Variants in COL8A1 observed in about 807,000 individuals in gnomAD.
COL8A1 encodes collagen type VIII alpha 1 chain.
In COL8A1, 21 loss-of-function variants were observed where a neutral mutation model predicts 42.7. That is an observed-to-expected ratio of 0.49 (90% CI 0.35 to 0.71). The LOEUF (loss-of-function observed/expected upper bound fraction) is 0.71, where lower values mean the gene tolerates loss of function less well. COL8A1 is among the 30% of genes least tolerant of loss of function. COL8A1 has a pLI of 0.01. For missense variants in COL8A1, 788 were observed against 962.4 expected (o/e 0.82, Z 2.40); for synonymous variants, 367 against 369.1 (o/e 0.99, Z 0.06).
At chr3:99,737,057 T>G (rs1245682140) in intron 1 of COL8A1, among the ~76,000 whole-genome samples, 4 of 152,142 alleles carry the variant, frequency 2.6e-5, no homozygotes, top group Non-Finnish European at 4.4e-5. Context: ...ATTGCAACCC[T>G]TGTCTTTTTT....
chr3:99,784,723 C>T (rs938339938), intron 2 of COL8A1, among the ~76,000 whole-genome samples: 1 of 152,192 alleles, frequency 6.6e-6, no homozygotes, highest in African/African-American at 2.4e-5. Flanking sequence ...ATTATATTCT[C>T]ATGGGACCAC....
chr3:99,737,007 G>C (rs1458765178), intron 1 of COL8A1, among the ~76,000 whole-genome samples: 1 of 152,042 alleles, frequency 6.6e-6, no homozygotes, highest in Non-Finnish European at 1.5e-5. Context: ...TGTCTCTTTT[G>C]ATCTTTGTTG....
intron 2 of COL8A1, among the ~76,000 whole-genome samples, chr3:99,771,213 C>T (rs1403969613): frequency 6.6e-6 from 1 of 152,050 alleles, no homozygotes; most frequent in Admixed American, 6.5e-5. Flanking sequence ...GGATGTTATT[C>T]AAAGAATAAT....
In COL8A1 at chr3:99,721,413, AG is replaced by A. The variant is rs1170725934; in HGVS notation, c.-128-23480del. Among the ~76,000 whole-genome samples, 10 of 107,870 alleles carry A rather than the reference AG, an allele frequency of 9.3e-5. No individual in the cohort carries two copies. The East Asian group carries it at 3.2e-3, about 34-fold the overall frequency. The allele number at this position is 107,870 out of a possible 152,430, so 70.8% of individuals were successfully genotyped here. A position where few individuals can be genotyped will look rare whatever the true frequency, so the allele number is the denominator to read the frequency against. ...AGGAAAGGAAAAAGGAAAAGGGGAA[AG>A]GGGAAAGGGAAAGGGAAAGGGGAAG... On this transcript the variant is annotated intron_variant, in intron 1 of 3. Transcript: ENST00000652472.
intron 1 of COL8A1, among the ~76,000 whole-genome samples, chr3:99,694,091 G>A (rs1309311546): frequency 2.0e-5 from 3 of 152,190 alleles, no homozygotes; most frequent in Non-Finnish European, 2.9e-5. Flanking sequence ...CTAGGCTTGT[G>A]TAAGTACGCT....
intron 2 of COL8A1, among the ~76,000 whole-genome samples, chr3:99,762,315 GT>G (rs1276240514): frequency 6.6e-6 from 1 of 152,052 alleles, no homozygotes; most frequent in African/African-American, 2.4e-5. Context: ...CCTAACATTT[GT>G]CATGCTTTGG....
chr3:99,749,980 T>C (rs1454226205), intron 2 of COL8A1, among the ~76,000 whole-genome samples: 1 of 151,730 alleles, frequency 6.6e-6, no homozygotes, highest in African/African-American at 2.4e-5. Flanking sequence ...TAACTATATA[T>C]TAATTGTTTA....
At chr3:99,649,404 G>A (rs982266835) in intron 1 of COL8A1, among the ~76,000 whole-genome samples, 3 of 152,100 alleles carry the variant, frequency 2.0e-5, no homozygotes, top group African/African-American at 4.8e-5. Context: ...AGAGGTAGGG[G>A]AATAAAATAA....
chr3:99,667,208 A>T (rs1189541181), intron 1 of COL8A1, among the ~76,000 whole-genome samples: 1 of 152,038 alleles, frequency 6.6e-6, no homozygotes, highest in Non-Finnish European at 1.5e-5. Flanking sequence ...AGCTTCCTAA[A>T]CTATTCCTTT....
At chr3:99,691,590 C>T (rs1939220251) in intron 1 of COL8A1, 2 of 151,702 alleles carry the variant, frequency 1.3e-5, no homozygotes, top group South Asian at 4.2e-4. Flanking sequence ...CACAGGTTTG[C>T]TAACTCTCTT....
At chr3:99,710,888 G>T (rs1939815980) in intron 1 of COL8A1, among the ~76,000 whole-genome samples, 1 of 152,088 alleles carries the variant, frequency 6.6e-6, no homozygotes, top group Non-Finnish European at 1.5e-5. Flanking sequence ...ATAATATCTT[G>T]AAGAAGTAGG....
chr3:99,778,750 G>A (rs1941741074), intron 2 of COL8A1, among the ~76,000 whole-genome samples: 1 of 152,144 alleles, frequency 6.6e-6, no homozygotes, highest in African/African-American at 2.4e-5. Context: ...TAGGCATGGG[G>A]AAGAGTAACA....
In COL8A1 at chr3:99,640,134, T is replaced by G. The variant is rs901309479; in HGVS notation, c.-129+1470T>G. Reference sequence around the variant, plus strand: ...AAATGCAAGAGTTATATATAAAGCTTCTGTCACGTTAAATTTTTCTTCATT... The same window carrying G: ...AAATGCAAGAGTTATATATAAAGCTGCTGTCACGTTAAATTTTTCTTCATT... On this transcript the variant is annotated intron_variant, in intron 1 of 3. Coordinates refer to ENST00000652472, the MANE Select transcript of COL8A1 (RefSeq NM_020351.4). 3.4e-4 allele frequency among the ~76,000 whole-genome samples: 51 copies of G among 152,202 alleles called. 1 individual carries two copies. Among genetic ancestry groups the G allele is most frequent in the Admixed American group, 3.3e-3 (50 of 15,278 alleles).
intron 1 of COL8A1, among the ~76,000 whole-genome samples, chr3:99,654,993 T>C (rs1937971709): frequency 6.6e-6 from 1 of 152,142 alleles, no homozygotes; most frequent in Non-Finnish European, 1.5e-5. Context: ...AGACCCACCA[T>C]GTGCCAAGCC....
intron 1 of COL8A1, among the ~76,000 whole-genome samples, chr3:99,715,709 T>G (rs940094995): frequency 2.0e-5 from 3 of 152,048 alleles, no homozygotes; most frequent in Admixed American, 2.0e-4. Flanking sequence ...GAATAATTTT[T>G]TTTCTAGAAT....
intron 2 of COL8A1, among the ~76,000 whole-genome samples, chr3:99,785,263 G>T (rs1324110602): frequency 1.1e-4 from 16 of 152,154 alleles, no homozygotes; most frequent in Non-Finnish European, 8.8e-5. Flanking sequence ...AATTTTCAAT[G>T]GGGAGTGAAG....
In COL8A1 at chr3:99,768,882, TCA is replaced by T. The variant is rs200823197; in HGVS notation, c.-3-21791_-3-21790del. Among the ~76,000 whole-genome samples, 1,072 of 152,362 alleles carry T rather than the reference TCA, an allele frequency of 7.0e-3. 13 individuals are homozygous for T. Among genetic ancestry groups the T allele is most frequent in the African/African-American group, 0.024 (991 of 41,586 alleles). ...TAAAGGTTAATCTTATCAAAGTTAT[TCA>T]CACACATGTGAATTCTAGGTTATTC... is the stretch of plus-strand genomic sequence containing the variant. On this transcript the variant is annotated intron_variant, in intron 2 of 3. Transcript: ENST00000652472.
At chr3:99,671,820 T>C (rs759274437) in intron 1 of COL8A1, among the ~76,000 whole-genome samples, 5 of 151,984 alleles carry the variant, frequency 3.3e-5, no homozygotes, top group African/African-American at 7.2e-5. Context: ...CCACTGGGTG[T>C]ATATATCCAA....
At chr3:99,776,503 A>G (rs1941695463) in intron 2 of COL8A1, among the ~76,000 whole-genome samples, 1 of 152,202 alleles carries the variant, frequency 6.6e-6, no homozygotes, top group African/African-American at 2.4e-5. Context: ...TGGGTCATCA[A>G]CACTGCCCCA....
Sources: gnomAD v4.1 joint callset for allele counts (sites outside exome capture counted in the v4.1 genomes callset) on GRCh38, gnomAD v4.1.1 for gene constraint, MANE v1.5 for transcripts, NCBI Gene and HGNC (gene_info 2026-07-23, HGNC 2026-07-21) for gene names.